The following RGS5 variants were observed in gnomAD, a reference collection of about 807,000 sequenced individuals.
The protein encoded by RGS5 is regulator of G protein signaling 5.
RGS5 carries 20 observed loss-of-function variants against 18.9 expected under a neutral mutation model. That is an observed-to-expected ratio of 1.06 (90% CI 0.74 to 1.54). The LOEUF is 1.54. Ranked by LOEUF, RGS5 falls within the 40% of genes most tolerant of loss-of-function variation. RGS5 has a pLI of 0.00. For synonymous variants in RGS5, 57 were observed against 76.2 expected, an observed-to-expected ratio of 0.75 and a Z score of 1.31; for missense variants, 201 against 211.8, an observed-to-expected ratio of 0.95 and a Z score of 0.32.
At chr1:163,308,720 T>G (rs1263496670) in intron 1 of RGS5, 1 of 152,140 alleles carries the variant, frequency 6.6e-6, no homozygotes, top group African/African-American at 2.4e-5. Flanking sequence ...TTTACCTGCA[T>G]GAAATGACTC....
chr1:163,236,578 A>G (rs987416915), intron 2 of RGS5, among the ~76,000 whole-genome samples: 1 of 152,188 alleles, frequency 6.6e-6, no homozygotes, highest in African/African-American at 2.4e-5. Flanking sequence ...TATAACCTAT[A>G]TGAATCTATA....
chr1:163,162,028 C>T, intron 2 of RGS5, 52 bp from the exon 3 acceptor site: 1 of 1,215,684 alleles, frequency 8.2e-7, no homozygotes, highest in East Asian at 2.3e-5. Context: ...AGGCATTGAA[C>T]CACATGTACC....
At chr1:163,274,487 T>C (rs1418563690) in intron 2 of RGS5, among the ~76,000 whole-genome samples, 2 of 152,216 alleles carry the variant, frequency 1.3e-5, no homozygotes, top group East Asian at 3.8e-4. Flanking sequence ...TATCCATTTG[T>C]ATCATTTACA....
intron 2 of RGS5, among the ~76,000 whole-genome samples, chr1:163,249,545 C>G (rs1648041523): frequency 6.6e-6 from 1 of 152,244 alleles, no homozygotes; most frequent in Admixed American, 6.5e-5. Flanking sequence ...AATCCCAGCA[C>G]TTTGGGAGGC....
intron 1 of RGS5, among the ~76,000 whole-genome samples, chr1:163,192,078 C>T (rs1161451526): frequency 6.6e-6 from 1 of 152,176 alleles, no homozygotes; most frequent in Non-Finnish European, 1.5e-5. Context: ...GGTTGTTCAA[C>T]TGTATCCTTT....
At chr1:163,168,813 C>T (rs996336080) in intron 1 of RGS5, among the ~76,000 whole-genome samples, 17 of 152,148 alleles carry the variant, frequency 1.1e-4, no homozygotes, top group South Asian at 8.3e-4. Context: ...TCTGAGGGCT[C>T]TGGTCTTCAC....
intron 1 of RGS5, chr1:163,172,728 AT>A (rs1319566665): frequency 1.0e-6 from 1 of 980,762 alleles, no homozygotes; most frequent in Non-Finnish European, 1.5e-6. Flanking sequence ...AGTCTATTAA[AT>A]TTAATTAGGA....
chr1:163,306,278 C>G (rs1388066560), exon 2 of RGS5: 2 of 152,190 alleles, frequency 1.3e-5, no homozygotes, highest in African/African-American at 4.8e-5. Context: ...AGTTAACTTT[C>G]TCCTTTTTCC....
At chr1:163,173,378 A>G (rs1658391208) in intron 1 of RGS5, among the ~76,000 whole-genome samples, 1 of 152,182 alleles carries the variant, frequency 6.6e-6, no homozygotes, top group Admixed American at 6.5e-5. Context: ...CCAAACTGAA[A>G]ACGGTTTGAA....
intron 1 of RGS5, among the ~76,000 whole-genome samples, chr1:163,180,212 A>G (rs1658750554): frequency 6.6e-6 from 1 of 152,124 alleles, no homozygotes; most frequent in African/African-American, 2.4e-5. Flanking sequence ...CTGAGCTCAG[A>G]TGATCCACCC....
chr1:163,278,810 T>C (rs2101717091), intron 2 of RGS5, among the ~76,000 whole-genome samples: 1 of 152,076 alleles, frequency 6.6e-6, no homozygotes, highest in South Asian at 2.1e-4. Flanking sequence ...GAAACTCACT[T>C]CTCTTGTAAA....
At chr1:163,254,868 C>T (rs12731003) in intron 2 of RGS5, among the ~76,000 whole-genome samples, 21,452 of 150,632 alleles carry the variant, frequency 0.14, 1,560 homozygotes, top group Non-Finnish European at 0.19. Context: ...CTACATATGG[C>T]TAGCCAGTTT....
chr1:163,155,789 G>A (rs1263207559), intron 3 of RGS5, among the ~76,000 whole-genome samples: 1 of 152,072 alleles, frequency 6.6e-6, no homozygotes, highest in Non-Finnish European at 1.5e-5. Flanking sequence ...ATTCTTCCCT[G>A]CTGAGCCTGC....
chr1:163,307,753 GAAAGA>G lies in RGS5; in HGVS notation c.-377-1429_-377-1425del, dbSNP rs1242539514. Among the ~76,000 whole-genome samples, 16 of 152,210 alleles carry G rather than the reference GAAAGA, an allele frequency of 1.1e-4. No individual in the cohort carries two copies. The South Asian group carries it at 2.9e-3, about 28-fold the overall frequency. On this transcript the variant is annotated intron_variant, in intron 1 of 5. Transcript: ENST00000618415. ...ACTGAAGTACAACGGAATTTCAAAG[GAAAGA>G]AAAGAAGTAAATTAATATTTATTGA...
At chr1:163,224,087 G>A (rs1022163452) in intron 2 of RGS5, among the ~76,000 whole-genome samples, 1 of 152,030 alleles carries the variant, frequency 6.6e-6, no homozygotes, top group Non-Finnish European at 1.5e-5. Flanking sequence ...CTTTCTTCTA[G>A]CTATTTTGAA....
chr1:163,252,574 C>G (rs535776630), intron 2 of RGS5, among the ~76,000 whole-genome samples: 26 of 152,232 alleles, frequency 1.7e-4, no homozygotes, highest in Non-Finnish European at 3.4e-4. Flanking sequence ...GACTTTTACT[C>G]CCAACATCAA....
chr1:163,311,425 A>T (rs937459540), intron 1 of RGS5, among the ~76,000 whole-genome samples: 1 of 152,226 alleles, frequency 6.6e-6, no homozygotes, highest in African/African-American at 2.4e-5. Context: ...GCTGTCTGGC[A>T]CAAGAGGCCT....
intron 1 of RGS5, among the ~76,000 whole-genome samples, chr1:163,314,634 TCC>T (rs1649967587): frequency 6.6e-6 from 1 of 152,184 alleles, no homozygotes; most frequent in Non-Finnish European, 1.5e-5. Context: ...TTTTAAAAAT[TCC>T]CCTTCTGCTA....
intron 2 of RGS5, among the ~76,000 whole-genome samples, chr1:163,284,992 A>T (rs779477408): frequency 4.6e-5 from 7 of 152,140 alleles, no homozygotes; most frequent in Admixed American, 2.6e-4. Flanking sequence ...TCATGGTAGC[A>T]GGTAAGAAAG....
Sources: allele counts gnomAD v4.1 joint callset (sites outside exome capture counted in the v4.1 genomes callset), GRCh38; gene constraint gnomAD v4.1.1; transcripts MANE v1.5; gene names NCBI Gene and HGNC (gene_info 2026-07-23, HGNC 2026-07-21).